Variants in BTN2A1 observed in about 807,000 individuals in gnomAD.
BTN2A1 encodes the protein butyrophilin, subfamily 2, member A1.
BTN2A1 carries 41 observed loss-of-function variants against 34.5 expected under a neutral mutation model. The observed-to-expected ratio is 1.19, with a 90% CI of 0.93 to 1.54. The LOEUF is 1.54. BTN2A1 is among the 40% of genes most tolerant of loss of function. The probability of loss-of-function intolerance (pLI) is 0.00; values close to 1 mark genes in which losing one functional copy is unlikely to be tolerated. For synonymous variants in BTN2A1, 267 were observed against 258.6 expected, an observed-to-expected ratio of 1.03 and a Z score of -0.31; for missense variants, 642 against 662.0, an observed-to-expected ratio of 0.97 and a Z score of 0.33.
In BTN2A1 at chr6:26,468,988, AC is replaced by A; in HGVS notation, c.*441del. Reference sequence around the variant, plus strand: ...ACAGGACCACCAGAGAGGAGAGGGAACCAGATATGCAGATCAGAGATAGAGG... The same window carrying A: ...ACAGGACCACCAGAGAGGAGAGGGAACAGATATGCAGATCAGAGATAGAGG... On this transcript the variant is annotated 3_prime_UTR_variant, in exon 8 of 8. Transcript: ENST00000312541. 1 of 1,197,868 alleles carries A rather than the reference AC, an allele frequency of 8.3e-7. No individual in the cohort carries two copies. The allele number at this position is 1,197,868 out of a possible 1,614,324, so 74.2% of individuals were successfully genotyped here. A position where few individuals can be genotyped will look rare whatever the true frequency, so the allele number is the denominator to read the frequency against.
At chr6:26,474,933 A>G (rs778857445) in intron 7 of BTN2A1, among the ~76,000 whole-genome samples, 5 of 152,052 alleles carry the variant, frequency 3.3e-5, no homozygotes, top group Non-Finnish European at 4.4e-5. Context: ...TATTTTTAAT[A>G]GAGACGGGGT....
intron 3 of BTN2A1, 120 bp downstream of exon 3, chr6:26,459,948 T>G: frequency 2.2e-5 from 2 of 90,248 alleles, no homozygotes; most frequent in Non-Finnish European, 2.0e-5. Flanking sequence ...TTTTCCACTC[T>G]CCCTGTGGAA....
chr6:26,469,299 AT>A lies in BTN2A1; in HGVS notation c.*751del, dbSNP rs1310369230. The A allele has an allele frequency of 3.0e-6, 3 of 990,614 alleles. No homozygotes were observed. Among genetic ancestry groups the A allele is most frequent in the Middle Eastern group, 5.1e-4 (1 of 1,942 alleles). 61.4% of individuals were successfully genotyped at this position (990,614 alleles called of 1,614,324 possible). On this transcript the variant is annotated 3_prime_UTR_variant, in exon 8 of 8. Coordinates refer to ENST00000312541, the MANE Select transcript of BTN2A1 (RefSeq NM_007049.5). ...GCTGAGCCAAGGAGTAATGGACCAG[AT>A]CTACCTCAGTATTCAAGTTCAGTGG...
intron 3 of BTN2A1, 90 bp downstream of exon 3, chr6:26,459,918 A>G (rs756719796): frequency 2.3e-5 from 15 of 652,868 alleles, no homozygotes; most frequent in Non-Finnish European, 3.4e-5. Context: ...GCAGACCAGC[A>G]AATTTTTGTC....
chr6:26,460,705 C>T (rs903026246), intron 3 of BTN2A1, among the ~76,000 whole-genome samples: 1 of 152,000 alleles, frequency 6.6e-6, no homozygotes, highest in Non-Finnish European at 1.5e-5. Flanking sequence ...GCCAGGAGTT[C>T]GAGACCAGCC....
intron 7 of BTN2A1, chr6:26,467,624 T>G (rs1228447322): frequency 3.7e-6 from 5 of 1,346,724 alleles, no homozygotes; most frequent in African/African-American, 1.5e-5. Context: ...AGATCATATG[T>G]CTTGGATAGA....
chr6:26,468,362 T>C lies in BTN2A1; in HGVS notation c.1397T>C (p.Met466Thr), dbSNP rs781760119. Residue 466 changes from methionine (M) to threonine (T), a missense_variant, in exon 8 of 8, where the codon ATG becomes ACG. Met to Thr is a moderately conservative substitution (Grantham distance 81). Coordinates refer to ENST00000312541, the MANE Select transcript of BTN2A1 (RefSeq NM_007049.5). ...GCTGGAGATGTCTCCTTCTACAACA[T>C]GAGGGACAGATCGCACATCTACACA... ...YEAGDVSFYNMRDRSHIYTCP... is the reference protein window; with the variant it reads ...YEAGDVSFYNTRDRSHIYTCP... The C allele has an allele frequency of 3.1e-6, 5 of 1,613,854 alleles. No homozygotes were observed. Among genetic ancestry groups the C allele is most frequent in the Non-Finnish European group, 4.2e-6 (5 of 1,179,958 alleles).
intron 2 of BTN2A1, 44 bp downstream of exon 2, chr6:26,458,762 A>G: frequency 1.3e-6 from 2 of 1,599,174 alleles, no homozygotes; most frequent in Middle Eastern, 1.7e-4. Context: ...TCAGAAAGGA[A>G]CATCAACCCT....
intron 4 of BTN2A1, among the ~76,000 whole-genome samples, chr6:26,464,298 G>A (rs1334724813): frequency 4.6e-5 from 7 of 152,250 alleles, no homozygotes; most frequent in South Asian, 2.1e-4. Flanking sequence ...CATATCGTAT[G>A]TTCAAAACAC....
Position 26,465,217 on chromosome 6 carries a change from G to A in BTN2A1, c.745G>A (p.Val249Met). ...TATGCCCAGTGTGTCTCCCTGTGCA[G>A]TGGCCCTGCCTATCATTGTGGTTAT... ...SFMPSVSPCAVALPIIVVILM... is the reference protein window; with the variant it reads ...SFMPSVSPCAMALPIIVVILM... The change falls in exon 5 of 8, where the codon GTG becomes ATG. Residue 249 changes from valine to methionine, a missense_variant. By Grantham distance (21) the Val-to-Met change is conservative. Transcript: ENST00000312541. 6.2e-7 allele frequency: 1 copy of A among 1,614,152 alleles called. No individual in the cohort carries two copies. The highest frequency in any genetic ancestry group is 8.5e-7 in the Non-Finnish European group (1 of 1,179,988).
rs776343939 is a variant in BTN2A1, at chr6:26,465,229, A to AG, written c.757_758insG (p.Ile253SerfsTer34). 6 of 1,614,164 alleles carry AG rather than the reference A, an allele frequency of 3.7e-6. No individual in the cohort carries two copies. The Admixed American group carries it at 1.0e-4, about 27-fold the overall frequency. On this transcript the variant is annotated frameshift_variant, in exon 5 of 8. Transcript: ENST00000312541. LOFTEE classifies it high-confidence loss of function. The stretch of plus-strand genomic sequence containing the variant: ...GTCTCCCTGTGCAGTGGCCCTGCCT[A>AG]TCATTGTGGTTATTCTGATGATACC...
chr6:26,465,784 T>A, intron 5 of BTN2A1, 169 bp from the exon 6 acceptor site: 1 of 982,328 alleles, frequency 1.0e-6, no homozygotes, highest in Non-Finnish European at 1.2e-6. Context: ...GTGCTGGTAC[T>A]ACCCAGCCAC....
In BTN2A1 at chr6:26,468,126, C is replaced by G. The variant is rs372683813; in HGVS notation, c.1161C>G (p.Tyr387Ter). The change falls in exon 8 of 8, where the codon TAC becomes TAG. Residue 387 changes from tyrosine (Y) to a stop codon, truncating the protein, a stop_gained. Transcript: ENST00000312541. LOFTEE classifies it low-confidence loss of function (END_TRUNC). Reference sequence around the variant, plus strand: ...AGAGCTTCGCTTCAGGGAAACATTACTGGGAGGTGGAGGTGGAAAACGTGA... The same window carrying G: ...AGAGCTTCGCTTCAGGGAAACATTAGTGGGAGGTGGAGGTGGAAAACGTGA... The part of the protein sequence containing the change: ...GRESFASGKH[Y>*]WEVEVENVIE... 7.4e-6 allele frequency: 12 copies of G among 1,614,190 alleles called. No individual in the cohort carries two copies. In the African/African-American group the frequency reaches 1.1e-4, roughly 14 times the overall value.
intron 5 of BTN2A1, among the ~76,000 whole-genome samples, 169 bp downstream of exon 5, chr6:26,465,575 C>A (rs1175499199): frequency 6.6e-6 from 1 of 151,902 alleles, no homozygotes; most frequent in Non-Finnish European, 1.5e-5. Context: ...GACAGTTCAC[C>A]ACCATAGAAA....
chr6:26,475,401 G>A (rs547671234), intron 7 of BTN2A1, among the ~76,000 whole-genome samples: 1 of 152,110 alleles, frequency 6.6e-6, no homozygotes, highest in African/African-American at 2.4e-5. Context: ...AACAGCAAAG[G>A]CTGAATTATT....
chr6:26,466,206 G>A (rs1021790573), intron 7 of BTN2A1, 118 bp downstream of exon 7: 2 of 1,490,848 alleles, frequency 1.3e-6, no homozygotes, highest in African/African-American at 1.4e-5. Flanking sequence ...AGGGAACGGG[G>A]GTCAGTTCAT....
chr6:26,467,699 A>G (rs1173452224), intron 7 of BTN2A1: 3 of 1,581,656 alleles, frequency 1.9e-6, no homozygotes, highest in Non-Finnish European at 2.6e-6. Flanking sequence ...TTCATTTGCT[A>G]AACTTTCCGG....
chr6:26,465,851 T>C, intron 5 of BTN2A1, 102 bp from the exon 6 acceptor site: 1 of 1,579,298 alleles, frequency 6.3e-7, no homozygotes, highest in Non-Finnish European at 8.6e-7. Flanking sequence ...GGAAGGGAGA[T>C]GTTGCTGTTC....
chr6:26,465,399 A>G lies in BTN2A1; in HGVS notation c.927A>G (p.Gln309=). The G allele has an allele frequency of 1.9e-6, 3 of 1,613,928 alleles. No individual in the cohort carries two copies. Among genetic ancestry groups the G allele is most frequent in the Non-Finnish European group, 2.5e-6 (3 of 1,179,958 alleles). Reference sequence around the variant, plus strand: ...GTGTGCAAAAAGAGGAAGAACTTCAAGTAAAAGGTAAAAGAGGCTGAGTAT... The same window carrying G: ...GTGTGCAAAAAGAGGAAGAACTTCAGGTAAAAGGTAAAAGAGGCTGAGTAT... The part of the protein sequence containing the change: ...KERVQKEEEL[Q]VKEKLQEELR... Residue 309 remains glutamine (Q), a synonymous_variant, in exon 5 of 8, where the codon CAA becomes CAG. Coordinates refer to ENST00000312541, the MANE Select transcript of BTN2A1 (RefSeq NM_007049.5).
Sources: allele counts gnomAD v4.1 joint callset (sites outside exome capture counted in the v4.1 genomes callset), GRCh38; gene constraint gnomAD v4.1.1; transcripts MANE v1.5; gene names NCBI Gene and HGNC (gene_info 2026-07-23, HGNC 2026-07-21).